Variants in UTP4 observed in about 807,000 individuals in gnomAD.
The protein encoded by UTP4 is U3 small nucleolar RNA-associated protein 4 homolog.
A neutral mutation model predicts 82.4 loss-of-function variants in UTP4; 45 were observed. The observed-to-expected ratio is 0.55, with a 90% CI of 0.43 to 0.70. The LOEUF is 0.70. Among genes scored for constraint, UTP4 ranks in the 30% least tolerant of loss-of-function variants. The pLI is 0.00. For synonymous variants in UTP4, 348 were observed against 300.3 expected (o/e 1.16, Z -1.64); for missense variants, 819 against 858.3 (o/e 0.95, Z 0.57).
intron 14 of UTP4, among the ~76,000 whole-genome samples, chr16:69,164,612 A>G (rs537540983): frequency 1.2e-4 from 15 of 129,194 alleles, no homozygotes; most frequent in African/African-American, 3.1e-4. Context: ...ATATATATAT[A>G]TATGTATATA....
In UTP4 at chr16:69,150,545, C is replaced by G. The variant is rs774189017; in HGVS notation, c.747C>G (p.Asp249Glu). Residue 249 changes from aspartate (D) to glutamate (E), a missense_variant, in exon 7 of 17, where the codon GAC becomes GAG. Coordinates refer to ENST00000314423, the MANE Select transcript of UTP4 (RefSeq NM_032830.3). ...ATGATTTAATTCCTCAGCAAGAAGA[C>G]AGTTTCGTGGTGGGCACAGCCGAGG... The part of the protein sequence containing the change: ...VQSIAVADQE[D>E]SFVVGTAEGT... The G allele has an allele frequency of 1.2e-6, 2 of 1,614,072 alleles. No homozygotes were observed. The highest frequency in any genetic ancestry group is 1.3e-5 in the African/African-American group (1 of 74,928).
chr16:69,138,050 T>C (rs1962856465), intron 4 of UTP4, 165 bp downstream of exon 4: 1 of 629,120 alleles, frequency 1.6e-6, no homozygotes, highest in Non-Finnish European at 2.8e-6. Flanking sequence ...CTTTACCCAT[T>C]GTATAGCATA....
intron 5 of UTP4, among the ~76,000 whole-genome samples, chr16:69,142,859 C>G (rs1962998234): frequency 6.6e-6 from 1 of 152,210 alleles, no homozygotes; most frequent in Non-Finnish European, 1.5e-5. Flanking sequence ...TCCCTCCCTT[C>G]CTCCCTCCCT....
intron 2 of UTP4, among the ~76,000 whole-genome samples, chr16:69,135,881 T>C (rs1053506625): frequency 6.6e-6 from 1 of 151,606 alleles, no homozygotes; most frequent in Non-Finnish European, 1.5e-5. Flanking sequence ...CAAAAAAAAA[T>C]AGCGGGACGT....
chr16:69,162,866 G>T (rs1016745893), intron 13 of UTP4, among the ~76,000 whole-genome samples: 1 of 151,566 alleles, frequency 6.6e-6, no homozygotes, highest in Non-Finnish European at 1.5e-5. Flanking sequence ...CTCCAGCCTG[G>T]GTGACAAGAG....
At chr16:69,157,292 CT>C (rs113404270) in intron 12 of UTP4, 52 bp downstream of exon 12, 3 of 1,593,568 alleles carry the variant, frequency 1.9e-6, no homozygotes, top group Non-Finnish European at 1.7e-6. Flanking sequence ...TAAGATGTAA[CT>C]TTTTTGCTTT....
chr16:69,133,307 G>C (rs1219926738), intron 1 of UTP4, among the ~76,000 whole-genome samples, 151 bp from the exon 2 acceptor site: 1 of 152,108 alleles, frequency 6.6e-6, no homozygotes, highest in Non-Finnish European at 1.5e-5. Flanking sequence ...TAATTCTTGT[G>C]GGGGGCATTG....
At chr16:69,150,286 A>G (rs938278442) in intron 6 of UTP4, among the ~76,000 whole-genome samples, 2 of 152,092 alleles carry the variant, frequency 1.3e-5, no homozygotes, top group Non-Finnish European at 2.9e-5. Flanking sequence ...AAGGAGATCT[A>G]TGTTGGGTAT....
At chr16:69,165,668 G>A (rs574199190) in intron 15 of UTP4, 142 bp downstream of exon 15, 102 of 757,092 alleles carry the variant, frequency 1.3e-4, no homozygotes, top group South Asian at 9.1e-4. Context: ...ACATTTCTTG[G>A]AGGAGAGGGG....
Position 69,157,161 on chromosome 16 carries a change from A to T in UTP4, c.1365A>T (p.Ala455=). The change falls in exon 12 of 17, where the codon GCA becomes GCT. Residue 455 remains alanine (A), a synonymous_variant. Coordinates refer to ENST00000314423, the MANE Select transcript of UTP4 (RefSeq NM_032830.3). ...AAGATTCAACAAAGCTCTTTGTAGC[A>T]TCAAATCAAGGAGCTCTGCATATTG... ...FSEDSTKLFV[A]SNQGALHIVQ... 1.2e-6 allele frequency: 2 copies of T among 1,614,218 alleles called. No individual in the cohort carries two copies. Among genetic ancestry groups the T allele is most frequent in the African/African-American group, 2.7e-5 (2 of 75,064 alleles).
intron 1 of UTP4, among the ~76,000 whole-genome samples, 197 bp from the exon 2 acceptor site, chr16:69,133,261 T>C (rs1029841598): frequency 1.3e-5 from 2 of 152,052 alleles, no homozygotes; most frequent in Admixed American, 6.6e-5. Context: ...GAAGCCTCCT[T>C]ATTATTCAAG....
intron 6 of UTP4, among the ~76,000 whole-genome samples, chr16:69,146,255 C>G (rs774170075): frequency 1.1e-4 from 17 of 152,132 alleles, no homozygotes; most frequent in Admixed American, 3.3e-4. Context: ...CACCACTATC[C>G]ATTTTCAGAA....
intron 6 of UTP4, among the ~76,000 whole-genome samples, chr16:69,144,206 T>G (rs1399177124): frequency 6.7e-6 from 1 of 150,200 alleles, no homozygotes; most frequent in Non-Finnish European, 1.5e-5. Context: ...CTCTCTTTTT[T>G]TTTTTATTTT....
At chr16:69,140,743 G>A (rs1962937753) in intron 5 of UTP4, among the ~76,000 whole-genome samples, 2 of 151,164 alleles carry the variant, frequency 1.3e-5, no homozygotes, top group African/African-American at 2.4e-5. Context: ...CACTCTCCTC[G>A]AGGCAACCAC....
chr16:69,134,478 A>G (rs1016227942), intron 2 of UTP4, among the ~76,000 whole-genome samples: 1 of 129,916 alleles, frequency 7.7e-6, no homozygotes, highest in Non-Finnish European at 1.6e-5. Flanking sequence ...CAGGCATAGA[A>G]CCTTCATTGA....
In UTP4 at chr16:69,160,294, C is replaced by T. The variant is rs897741326; in HGVS notation, c.1445-62C>T. ...TCTCCTTGGCTTTTGCCATCATCTC[C>T]AGGGCAGGTCTGGCTGTGGACACTG... On this transcript the variant is annotated intron_variant, in intron 12 of 16. Transcript: ENST00000314423. 2.7e-5 allele frequency: 35 copies of T among 1,307,842 alleles called. No homozygotes were observed. The African/African-American group carries it at 4.6e-4, about 17-fold the overall frequency. 81.0% of individuals were successfully genotyped at this position (1,307,842 alleles called of 1,614,324 possible).
At position 69,157,116 on chromosome 16, in the gene UTP4, C is replaced by T; in HGVS notation, c.1320C>T (p.Ala440=). 2.5e-6 allele frequency: 4 copies of T among 1,614,164 alleles called. No homozygotes were observed. Among genetic ancestry groups the T allele is most frequent in the Non-Finnish European group, 3.4e-6 (4 of 1,180,036 alleles). The part of the protein sequence containing the change: ...VSKMPAFLRS[A]LQILFSEDST... ...AAATGCCAGCATTCCTTCGCTCTGC[C>T]CTTCAGATTTTGTTTTCTGAAGATT... Residue 440 remains alanine, a synonymous_variant, in exon 12 of 17, where the codon GCC becomes GCT. Coordinates refer to ENST00000314423, the MANE Select transcript of UTP4 (RefSeq NM_032830.3).
rs186783258 is a variant in UTP4 at position 69,161,193 on chromosome 16, A to G, written c.1551+731A>G. ...AACATAATCAAAACTTCGAAAAAGG[A>G]ATACTGGGAAAACATTTTTCACTAA... is the stretch of plus-strand genomic sequence containing the variant. On this transcript the variant is annotated intron_variant, in intron 13 of 16. Transcript: ENST00000314423. 1.6e-4 allele frequency among the ~76,000 whole-genome samples: 24 copies of G among 152,362 alleles called. No individual in the cohort carries two copies. In the East Asian group the frequency reaches 3.5e-3, roughly 22 times the overall value.
At chr16:69,153,742 T>A in intron 9 of UTP4, 62 bp downstream of exon 9, 1 of 1,155,638 alleles carries the variant, frequency 8.7e-7, no homozygotes, top group Non-Finnish European at 1.3e-6. Context: ...AAATCAGAAT[T>A]GCGGTTGGAA....
Sources: gnomAD v4.1 joint callset for allele counts (sites outside exome capture counted in the v4.1 genomes callset) on GRCh38, gnomAD v4.1.1 for gene constraint, MANE v1.5 for transcripts, NCBI Gene and HGNC (gene_info 2026-07-23, HGNC 2026-07-21) for gene names.